Variants in DCHS1 observed in about 807,000 individuals in gnomAD.
The protein encoded by DCHS1 is dachsous cadherin-related 1, also known as protocadherin-16.
In DCHS1, 78 loss-of-function variants were observed where a neutral mutation model predicts 213.9. The observed-to-expected ratio is 0.36, with a 90% CI of 0.30 to 0.44. The LOEUF (loss-of-function observed/expected upper bound fraction) is 0.44, where lower values mean the gene tolerates loss of function less well. Among genes scored for constraint, DCHS1 ranks in the 20% least tolerant of loss-of-function variants. The probability of loss-of-function intolerance (pLI) is 1.00; values close to 1 mark genes in which losing one functional copy is unlikely to be tolerated. For synonymous variants in DCHS1, 1,828 were observed against 1,873.7 expected, an observed-to-expected ratio of 0.98 and a Z score of 0.63; for missense variants, 3,946 against 4,395.9, an observed-to-expected ratio of 0.90 and a Z score of 2.89.
Position 6,631,216 on chromosome 11 carries a change from G to A in DCHS1, c.3773-6C>T. On this transcript the variant is annotated splice_region_variant and splice_polypyrimidine_tract_variant and intron_variant, in intron 8 of 20. Transcript: ENST00000299441. Reference sequence around the variant, plus strand: ...GAAAAGCTCTGAGCCAGGACCTGGGGACAGGCAGAGGAAGATGAGGGCTTG... The same window carrying A: ...GAAAAGCTCTGAGCCAGGACCTGGGAACAGGCAGAGGAAGATGAGGGCTTG... The A allele has an allele frequency of 1.2e-6, 2 of 1,611,942 alleles. No homozygotes were observed. The highest frequency in any genetic ancestry group is 1.7e-6 in the Non-Finnish European group (2 of 1,178,218).
intron 6 of DCHS1, 64 bp from the exon 7 acceptor site, chr11:6,631,873 C>CT (rs1286251700): frequency 1.4e-6 from 2 of 1,472,566 alleles, no homozygotes; most frequent in African/African-American, 2.8e-5. Flanking sequence ...AGGCCTGCAC[C>CT]TAAGAAGCTG....
At chr11:6,652,670 A>C (rs1372690308) in intron 1 of DCHS1, among the ~76,000 whole-genome samples, 1 of 152,226 alleles carries the variant, frequency 6.6e-6, no homozygotes, top group Non-Finnish European at 1.5e-5. Flanking sequence ...CTTCGTTCTT[A>C]TAGGAAGGAA....
At position 6,641,960 on chromosome 11, in the gene DCHS1, G is replaced by T. The variant is rs1856083054; in HGVS notation, c.-120-227C>A. On this transcript the variant is annotated intron_variant, in intron 1 of 20. Coordinates refer to ENST00000299441, the MANE Select transcript of DCHS1 (RefSeq NM_003737.4). The surrounding 1 kb of genome is among the most constrained non-coding windows in gnomAD (Gnocchi z 7.1). ...TTTCCTACCCTCAGCAGATTTTTATGCATCCTATTTTTTCGGGTCTGAATG... is the reference window on the plus strand; with the variant it reads ...TTTCCTACCCTCAGCAGATTTTTATTCATCCTATTTTTTCGGGTCTGAATG... Among the ~76,000 whole-genome samples the T allele has an allele frequency of 6.6e-6, 1 of 152,096 alleles. No individual in the cohort carries two copies. Among genetic ancestry groups the T allele is most frequent in the South Asian group, 2.1e-4 (1 of 4,826 alleles).
chr11:6,630,387 A>C lies in DCHS1; in HGVS notation c.4407T>G (p.Asn1469Lys). The stretch of plus-strand genomic sequence containing the variant: ...GCAGCAGGCGGTAGCGCACGTCGCT[A>C]TTGGGGCCGGGGCCGTCGGCGTCCG... ...RASDADGPGP[N>K]SDVRYRLLRQ... Residue 1469 changes from asparagine to lysine, a missense_variant, in exon 10 of 21, where the codon AAT becomes AAG. Physicochemically the swap from Asn to Lys is moderately conservative, Grantham distance 94. Transcript: ENST00000299441. 7.2e-7 allele frequency: 1 copy of C among 1,396,194 alleles called. No homozygotes were observed. The highest frequency in any genetic ancestry group is 1.4e-5 in the South Asian group (1 of 70,524). 86.5% of individuals were successfully genotyped at this position (1,396,194 alleles called of 1,614,324 possible).
In DCHS1 at chr11:6,641,589, G is replaced by A. The variant is rs1226465640; in HGVS notation, c.25C>T (p.Pro9Ser). MQKELGIV[P>S]SCPGMKSPRP... ...GGGCTCTTCATGCCAGGGCAGGAAG[G>A]CACAATGCCCAGCTCCTTCTGCATG... The change falls in exon 2 of 21, where the codon CCT becomes TCT. Residue 9 changes from proline to serine, a missense_variant. Pro to Ser is a moderately conservative substitution (Grantham distance 74). Coordinates refer to ENST00000299441, the MANE Select transcript of DCHS1 (RefSeq NM_003737.4). The surrounding 1 kb of genome is among the most constrained non-coding windows in gnomAD (Gnocchi z 7.1). The A allele has an allele frequency of 8.4e-6, 13 of 1,549,642 alleles. No individual in the cohort carries two copies. The highest frequency in any genetic ancestry group is 1.1e-5 in the Non-Finnish European group (13 of 1,146,212).
At position 6,622,704 on chromosome 11, in the gene DCHS1, C is replaced by A. The variant is rs200152314; in HGVS notation, c.8972G>T (p.Arg2991Leu). ...AGAGGGTGGTGGACTAGGTGGCTCC[C>A]GGCCCAGTTTCTGCAGTGAGTCACT... ...LASDSLQKLG[R>L]EPPSPPPSEH... is the part of the protein sequence containing the mutation. The change falls in exon 21 of 21, where the codon CGG becomes CTG. Residue 2991 changes from arginine to leucine, a missense_variant. Coordinates refer to ENST00000299441, the MANE Select transcript of DCHS1 (RefSeq NM_003737.4). The surrounding 1 kb of genome is among the most constrained non-coding windows in gnomAD (Gnocchi z 5.4). 1.5e-5 allele frequency: 24 copies of A among 1,591,820 alleles called. No individual in the cohort carries two copies. Among genetic ancestry groups the A allele is most frequent in the Non-Finnish European group, 2.0e-5 (23 of 1,169,528 alleles).
In DCHS1 at chr11:6,622,160, C is replaced by T; in HGVS notation, c.9516G>A (p.Gln3172=). 6.2e-7 allele frequency: 1 copy of T among 1,611,528 alleles called. No individual in the cohort carries two copies. The highest frequency in any genetic ancestry group is 8.5e-7 in the Non-Finnish European group (1 of 1,179,466). Residue 3172 remains glutamine, a synonymous_variant, in exon 21 of 21, where the codon CAG becomes CAA. Transcript: ENST00000299441. This position sits in a 1 kb window ranked among gnomAD's most constrained non-coding sequence, Gnocchi z 5.4. ...TGAAGACACTGGCCAGTGGTTGGAA[C>T]TGAGGGCACCAGCTCAGCAGGTAGT... ...NWDYLLSWCP[Q]FQPLASVFTE...
In DCHS1 at chr11:6,624,001, G is replaced by T; in HGVS notation, c.7675C>A (p.Pro2559Thr). 1 of 1,612,974 alleles carries T rather than the reference G, an allele frequency of 6.2e-7. No individual in the cohort carries two copies. The highest frequency in any genetic ancestry group is 8.5e-7 in the Non-Finnish European group (1 of 1,179,246). The part of the protein sequence containing the change: ...RALGCLVLLE[P>T]LDFESLTQYN... ...TGTGTCAGGCTTTCAAAGTCTAGAG[G>T]TTCAAGCAACACCAGGCAGCCCAGT... is the stretch of plus-strand genomic sequence containing the variant. The change falls in exon 21 of 21, where the codon CCT becomes ACT. Residue 2559 changes from proline (P) to threonine (T), a missense_variant. Physicochemically the swap from Pro to Thr is conservative, Grantham distance 38. Around this residue, in one of 3 missense-constraint regions of DCHS1, gnomAD observed 3,384 missense variants for 3,780.1 expected, o/e 0.90. Coordinates refer to ENST00000299441, the MANE Select transcript of DCHS1 (RefSeq NM_003737.4).
chr11:6,624,656 C>A, intron 20 of DCHS1, 74 bp downstream of exon 20: 1 of 1,593,524 alleles, frequency 6.3e-7, no homozygotes, highest in Non-Finnish European at 8.6e-7. Flanking sequence ...GTTTGAGTAA[C>A]AAATTCAAGG....
chr11:6,633,570 C>T lies in DCHS1; in HGVS notation c.2297G>A (p.Gly766Asp), dbSNP rs757232191. The change falls in exon 5 of 21, where the codon GGT (glycine) becomes GAT (aspartate). Residue 766 changes from glycine (G) to aspartate (D), a missense_variant. Around this residue, in one of 3 missense-constraint regions of DCHS1, gnomAD observed 3,384 missense variants for 3,780.1 expected, o/e 0.90. Transcript: ENST00000299441. ...VQLEIGAEDG[G>D]GLQAEPSARV... ...GGCACTGGGTTCTGCCTGTAGGCCA[C>T]CTCCGTCCTCAGCCCCGATCTCCAG... 1 of 1,592,568 alleles carries T rather than the reference C, an allele frequency of 6.3e-7. No individual in the cohort carries two copies. Among genetic ancestry groups the T allele is most frequent in the Non-Finnish European group, 8.6e-7 (1 of 1,169,484 alleles).
chr11:6,631,683 T>A lies in DCHS1; in HGVS notation c.3608A>T (p.Asp1203Val). ...GAACGTGGGGCTGTTGTCGTTGAGG[T>A]CAAGCACTGCAACATGCACAGTGCC... is the stretch of plus-strand genomic sequence containing the variant. The part of the protein sequence containing the change: ...TTGTVHVAVL[D>V]LNDNSPTFLQ... Residue 1203 changes from aspartate to valine, a missense_variant, in exon 7 of 21, where the codon GAC becomes GTC. Asp to Val is a radical substitution (Grantham distance 152). Transcript: ENST00000299441. The A allele has an allele frequency of 6.2e-7, 1 of 1,609,694 alleles. No homozygotes were observed. The highest frequency in any genetic ancestry group is 8.5e-7 in the Non-Finnish European group (1 of 1,177,898).
chr11:6,644,079 T>C (rs1412995755), intron 1 of DCHS1, among the ~76,000 whole-genome samples: 1 of 152,222 alleles, frequency 6.6e-6, no homozygotes, highest in Admixed American at 6.5e-5. Context: ...TTCCACTTAC[T>C]GGCTTGGACC....
Position 6,641,220 on chromosome 11 carries a change from G to A in DCHS1, c.394C>T (p.Arg132Ter). 1 of 1,613,712 alleles carries A rather than the reference G, an allele frequency of 6.2e-7. No homozygotes were observed. The highest frequency in any genetic ancestry group is 8.5e-7 in the Non-Finnish European group (1 of 1,179,866). ...PDGATVEVTVRVADINDHAPA... is the reference protein window; with the variant it reads ...PDGATVEVTV ...GCATGGTCGTTGATGTCAGCCACTC[G>A]CACTGTAACTTCTACGGTGGCACCA... is the stretch of plus-strand genomic sequence containing the variant. The change falls in exon 2 of 21, where the codon CGA (arginine) becomes TGA (stop). Residue 132 changes from arginine (R) to a stop codon, truncating the protein, a stop_gained. Coordinates refer to ENST00000299441, the MANE Select transcript of DCHS1 (RefSeq NM_003737.4). LOFTEE classifies it high-confidence loss of function. This position sits in a 1 kb window ranked among gnomAD's most constrained non-coding sequence, Gnocchi z 7.1.
In DCHS1 at chr11:6,626,823, G is replaced by A. The variant is rs370487968; in HGVS notation, c.6216C>T (p.Ser2072=). Residue 2072 remains serine, a synonymous_variant, in exon 14 of 21, where the codon AGC becomes AGT. Coordinates refer to ENST00000299441, the MANE Select transcript of DCHS1 (RefSeq NM_003737.4). This position sits in a 1 kb window ranked among gnomAD's most constrained non-coding sequence, Gnocchi z 5.2. ...AERGPRFPRA[S]SEATIRENAP... ...CATTCTCACGAATCGTAGCCTCACT[G>A]CTAGCCCGGGGAAAGCGGGGTCCAC... The A allele has an allele frequency of 8.7e-5, 141 of 1,612,934 alleles. No homozygotes were observed. Among genetic ancestry groups the A allele is most frequent in the Non-Finnish European group, 1.1e-4 (133 of 1,179,870 alleles).
rs747852088 is a variant in DCHS1, at chr11:6,626,984, C to T, written c.6055G>A (p.Glu2019Lys). 1.2e-6 allele frequency: 2 copies of T among 1,613,662 alleles called. No homozygotes were observed. Among genetic ancestry groups the T allele is most frequent in the Non-Finnish European group, 1.7e-6 (2 of 1,179,906 alleles). The part of the protein sequence containing the change: ...PGTTVDSYTG[E>K]IRVARSPVAL... ...ACAGGAGAGCGGGCCACGCGGATTT[C>T]ACCAGTGTAAGAGTCCACAGTAGTG... Residue 2019 changes from glutamate (E) to lysine (K), a missense_variant, in exon 14 of 21, where the codon GAA (glutamate) becomes AAA (lysine). By Grantham distance (56) the Glu-to-Lys change is moderately conservative. Transcript: ENST00000299441. This position sits in a 1 kb window ranked among gnomAD's most constrained non-coding sequence, Gnocchi z 5.2.
At chr11:6,645,487 C>T (rs937106157) in intron 1 of DCHS1, among the ~76,000 whole-genome samples, 38 of 152,208 alleles carry the variant, frequency 2.5e-4, no homozygotes, top group African/African-American at 8.9e-4. Context: ...ATTATAGTTA[C>T]CTGTCTTCCT....
intron 1 of DCHS1, among the ~76,000 whole-genome samples, chr11:6,645,296 G>C (rs989172396): frequency 2.6e-5 from 4 of 152,198 alleles, no homozygotes; most frequent in Admixed American, 1.3e-4. Flanking sequence ...CTGAAGAAGG[G>C]AGAGGATGAG....
chr11:6,636,755 C>T (rs1855992092), intron 2 of DCHS1, among the ~76,000 whole-genome samples: 1 of 152,178 alleles, frequency 6.6e-6, no homozygotes, highest in Non-Finnish European at 1.5e-5. Flanking sequence ...ACACACTGTT[C>T]CCTGGAATCT....
intron 1 of DCHS1, among the ~76,000 whole-genome samples, chr11:6,647,405 T>C (rs1856178711): frequency 6.6e-6 from 1 of 152,100 alleles, no homozygotes; most frequent in Non-Finnish European, 1.5e-5. Flanking sequence ...CTAGCTTCCC[T>C]GGATATCCCT....
Sources: allele counts gnomAD v4.1 joint callset (sites outside exome capture counted in the v4.1 genomes callset), GRCh38; gene constraint gnomAD v4.1.1; regional missense constraint gnomAD v4.1.1; non-coding constraint Gnocchi (gnomAD v3.1); transcripts MANE v1.5; gene names NCBI Gene and HGNC (gene_info 2026-07-23, HGNC 2026-07-21).